The following PTPRM variants were observed in gnomAD, a reference collection of about 807,000 sequenced individuals.
PTPRM encodes receptor-type tyrosine-protein phosphatase mu.
Under a neutral mutation model 186.7 loss-of-function variants are expected in PTPRM, and 47 were observed. The observed-to-expected ratio is 0.25, with a 90% CI of 0.20 to 0.32. The LOEUF (loss-of-function observed/expected upper bound fraction) is 0.32. Among genes scored for constraint, PTPRM ranks in the 10% least tolerant of loss-of-function variants. PTPRM has a pLI of 1.00. For synonymous variants in PTPRM, 668 were observed against 674.9 expected, an observed-to-expected ratio of 0.99 and a Z score of 0.16; for missense variants, 1,494 against 1,865.0, an observed-to-expected ratio of 0.80 and a Z score of 3.66.
chr18:7,850,117 G>A (rs2046793266), intron 2 of PTPRM, among the ~76,000 whole-genome samples: 1 of 152,144 alleles, frequency 6.6e-6, no homozygotes, highest in Non-Finnish European at 1.5e-5. Context: ...TCAGATGTGG[G>A]TGATTCATGT....
At chr18:7,617,514 T>C (rs1231368801) in intron 1 of PTPRM, among the ~76,000 whole-genome samples, 1 of 152,168 alleles carries the variant, frequency 6.6e-6, no homozygotes, top group Non-Finnish European at 1.5e-5. Flanking sequence ...ATACATACAA[T>C]AAAGATTTAT....
At chr18:8,198,505 C>A (rs974862828) in intron 14 of PTPRM, among the ~76,000 whole-genome samples, 1 of 152,092 alleles carries the variant, frequency 6.6e-6, no homozygotes, top group South Asian at 2.1e-4. Context: ...GAAGTTGTAT[C>A]TTTTTAAAAT....
intron 3 of PTPRM, among the ~76,000 whole-genome samples, chr18:7,897,934 C>T (rs2049452192): frequency 1.3e-5 from 2 of 152,180 alleles, no homozygotes; most frequent in African/African-American, 4.8e-5. Context: ...CAGGTGAAGA[C>T]ATTTAAAAAT....
At chr18:8,029,918 G>A (rs923642501) in intron 7 of PTPRM, among the ~76,000 whole-genome samples, 1 of 152,040 alleles carries the variant, frequency 6.6e-6, no homozygotes, top group Admixed American at 6.5e-5. Flanking sequence ...TGCATGCCTC[G>A]GCCCTGTGAT....
At chr18:7,719,194 A>G (rs1468882946) in intron 1 of PTPRM, among the ~76,000 whole-genome samples, 4 of 152,224 alleles carry the variant, frequency 2.6e-5, no homozygotes, top group Non-Finnish European at 5.9e-5. Context: ...CTATGTATAC[A>G]CTGGGAATAC....
intron 3 of PTPRM, 133 bp from the exon 4 acceptor site, chr18:7,906,372 C>A: frequency 1.4e-6 from 1 of 693,400 alleles, no homozygotes; most frequent in Non-Finnish European, 2.5e-6. Context: ...GGAACATTGA[C>A]TAGCAGATGT....
chr18:8,351,809 C>T (rs2095535726), intron 23 of PTPRM, among the ~76,000 whole-genome samples: 1 of 152,192 alleles, frequency 6.6e-6, no homozygotes, highest in South Asian at 2.1e-4. Flanking sequence ...AGCACATCAG[C>T]CAAGAAAGGA....
intron 7 of PTPRM, among the ~76,000 whole-genome samples, chr18:8,044,240 C>G (rs2086873172): frequency 6.6e-6 from 1 of 152,210 alleles, no homozygotes; most frequent in Admixed American, 6.5e-5. Flanking sequence ...GCTCTCACTT[C>G]ACCCTATGAG....
chr18:8,184,216 T>G (rs2093614238), intron 14 of PTPRM, among the ~76,000 whole-genome samples: 1 of 152,184 alleles, frequency 6.6e-6, no homozygotes, highest in Non-Finnish European at 1.5e-5. Flanking sequence ...GGACAATCTT[T>G]GGTCTTGAGC....
At position 7,949,346 on chromosome 18, in the gene PTPRM, G is replaced by C. The variant is rs1336220245; in HGVS notation, c.829G>C (p.Val277Leu). The C allele has an allele frequency of 6.2e-7, 1 of 1,610,698 alleles. No homozygotes were observed. The highest frequency in any genetic ancestry group is 8.5e-7 in the Non-Finnish European group (1 of 1,177,738). The change falls in exon 6 of 33, where the codon GTA (valine) becomes CTA (leucine). Residue 277 changes from valine (V) to leucine (L), a missense_variant. Physicochemically the swap from Val to Leu is conservative, Grantham distance 32. Coordinates refer to ENST00000580170, the MANE Select transcript of PTPRM (RefSeq NM_001105244.2). ...TGGAATATCAAACTATGCAGAGTTGGTAGTTAAAGGTATTTAATGTGTTTT... is the reference window on the plus strand; with the variant it reads ...TGGAATATCAAACTATGCAGAGTTGCTAGTTAAAGGTATTTAATGTGTTTT... ...GVGISNYAEL[V>L]VKEPPVPIAP...
chr18:7,823,370 A>G (rs1189107052), intron 2 of PTPRM, among the ~76,000 whole-genome samples: 1 of 152,230 alleles, frequency 6.6e-6, no homozygotes, highest in Non-Finnish European at 1.5e-5. Flanking sequence ...TTCCACAAAC[A>G]GAAGGATGCC....
intron 14 of PTPRM, among the ~76,000 whole-genome samples, chr18:8,158,235 C>T (rs1158066619): frequency 1.3e-5 from 2 of 152,226 alleles, no homozygotes; most frequent in Non-Finnish European, 2.9e-5. Context: ...GAGAGGGCTG[C>T]ATAATTACTA....
intron 1 of PTPRM, among the ~76,000 whole-genome samples, chr18:7,745,187 A>G (rs1339580475): frequency 6.6e-6 from 1 of 152,188 alleles, no homozygotes; most frequent in African/African-American, 2.4e-5. Flanking sequence ...ATAAGAGTGT[A>G]TCAGTTCATC....
At chr18:8,125,029 T>C (rs577638556) in intron 13 of PTPRM, among the ~76,000 whole-genome samples, 228 of 152,112 alleles carry the variant, frequency 1.5e-3, no homozygotes, top group African/African-American at 5.1e-3. Context: ...CCTACTTGTC[T>C]ACCACCAATG....
intron 1 of PTPRM, among the ~76,000 whole-genome samples, chr18:7,688,437 C>T (rs2039658142): frequency 6.6e-6 from 1 of 152,186 alleles, no homozygotes; most frequent in Non-Finnish European, 1.5e-5. Context: ...AGAAAAGCTG[C>T]TCAGACATCT....
At chr18:8,127,808 G>C (rs2092409138) in intron 13 of PTPRM, among the ~76,000 whole-genome samples, 1 of 152,130 alleles carries the variant, frequency 6.6e-6, no homozygotes, top group Non-Finnish European at 1.5e-5. Context: ...CCCCCTAGGA[G>C]AGCTGGCCCT....
chr18:8,342,286 T>C (rs2095479425), intron 22 of PTPRM, among the ~76,000 whole-genome samples: 1 of 152,220 alleles, frequency 6.6e-6, no homozygotes, highest in South Asian at 2.1e-4. Flanking sequence ...TTCTATTGCT[T>C]TGTTGTTTAT....
intron 2 of PTPRM, among the ~76,000 whole-genome samples, chr18:7,775,445 C>T (rs2042533626): frequency 6.6e-6 from 1 of 152,082 alleles, no homozygotes; most frequent in African/African-American, 2.4e-5. Context: ...CTGTTCTTGT[C>T]AGCGATAAAG....
chr18:7,809,190 G>A (rs2044381850), intron 2 of PTPRM, among the ~76,000 whole-genome samples: 1 of 152,120 alleles, frequency 6.6e-6, no homozygotes, highest in African/African-American at 2.4e-5. Context: ...ATCACCTGGT[G>A]TTTTCCAGGA....
Sources: allele counts gnomAD v4.1 joint callset (sites outside exome capture counted in the v4.1 genomes callset), GRCh38; gene constraint gnomAD v4.1.1; transcripts MANE v1.5; gene names NCBI Gene and HGNC (gene_info 2026-07-23, HGNC 2026-07-21).